NXPH2: variants seen among roughly 807,000 people sequenced by gnomAD.
The protein encoded by NXPH2 is neurexophilin-2.
A neutral mutation model predicts 19.8 loss-of-function variants in NXPH2; 5 were observed. The ratio of observed to expected loss-of-function variants is 0.25; its 90% CI spans 0.13 to 0.53. The LOEUF (loss-of-function observed/expected upper bound fraction) is 0.53. Among genes scored for constraint, NXPH2 ranks in the 20% least tolerant of loss-of-function variants. The probability of loss-of-function intolerance (pLI) is 0.96; values close to 1 mark genes in which losing one functional copy is unlikely to be tolerated. For missense variants in NXPH2, 289 were observed against 322.8 expected, an observed-to-expected ratio of 0.90 and a Z score of 0.80; for synonymous variants, 154 against 127.4, an observed-to-expected ratio of 1.21 and a Z score of -1.41.
chr2:138,704,605 A>G (rs888248941), intron 1 of NXPH2, among the ~76,000 whole-genome samples: 9 of 152,156 alleles, frequency 5.9e-5, no homozygotes, highest in African/African-American at 2.2e-4. Flanking sequence ...CACATCTTCA[A>G]GGTATTTAGC....
In NXPH2 at chr2:138,670,904, TCCA is replaced by T; in HGVS notation, c.*15_*17del. ...ATCAAATACATATGTATCCCTCATT[TCCA>T]CCACAGCAGGAAGATCAGCCAGAAG... is the stretch of plus-strand genomic sequence containing the variant. On this transcript the variant is annotated 3_prime_UTR_variant, in exon 2 of 2. Coordinates refer to ENST00000272641, the MANE Select transcript of NXPH2 (RefSeq NM_007226.3). The T allele has an allele frequency of 6.2e-7, 1 of 1,602,698 alleles. No individual in the cohort carries two copies. Among genetic ancestry groups the T allele is most frequent in the Non-Finnish European group, 8.5e-7 (1 of 1,173,528 alleles).
intron 1 of NXPH2, among the ~76,000 whole-genome samples, chr2:138,696,968 T>C (rs1680837966): frequency 6.6e-6 from 1 of 152,048 alleles, no homozygotes; most frequent in African/African-American, 2.4e-5. Flanking sequence ...AAAGTAATTG[T>C]AGAGAAAACA....
intron 1 of NXPH2, among the ~76,000 whole-genome samples, chr2:138,687,051 T>C (rs1450295958): frequency 2.0e-5 from 3 of 152,260 alleles, no homozygotes; most frequent in East Asian, 3.9e-4. Flanking sequence ...GATTTATAAT[T>C]TTTTGGGTAT....
rs2104961934 is a variant in NXPH2 at position 138,669,935 on chromosome 2, G to A, written c.*987C>T. On this transcript the variant is annotated 3_prime_UTR_variant, in exon 2 of 2. Transcript: ENST00000272641. ...TTCAAATATTAACTAAATGCAAGGGGAACTTAATCTGGGAGGCTAGAAATA... is the reference window on the plus strand; with the variant it reads ...TTCAAATATTAACTAAATGCAAGGGAAACTTAATCTGGGAGGCTAGAAATA... Among the ~76,000 whole-genome samples the A allele has an allele frequency of 2.0e-5, 3 of 152,266 alleles. No homozygotes were observed. In the South Asian group the frequency reaches 6.2e-4, roughly 32 times the overall value.
chr2:138,686,784 G>A (rs1680662566), intron 1 of NXPH2, among the ~76,000 whole-genome samples: 1 of 152,034 alleles, frequency 6.6e-6, no homozygotes, highest in Non-Finnish European at 1.5e-5. Flanking sequence ...TCCCACCTAT[G>A]AGTGAGAATA....
At chr2:138,718,065 A>G (rs767525672) in intron 1 of NXPH2, among the ~76,000 whole-genome samples, 2 of 152,090 alleles carry the variant, frequency 1.3e-5, no homozygotes, top group African/African-American at 2.4e-5. Context: ...GAAGTTAAGT[A>G]GCTGACTAAA....
chr2:138,724,928 G>A (rs1681336660), intron 1 of NXPH2, among the ~76,000 whole-genome samples: 1 of 152,196 alleles, frequency 6.6e-6, no homozygotes, highest in Admixed American at 6.5e-5. Context: ...AGTGGAAGAG[G>A]CTATGCCAAT....
chr2:138,710,105 T>G (rs1681083496), intron 1 of NXPH2, among the ~76,000 whole-genome samples: 1 of 152,222 alleles, frequency 6.6e-6, no homozygotes, highest in African/African-American at 2.4e-5. Context: ...GGTGACTTAC[T>G]TCCTGTCTCT....
At chr2:138,734,395 T>C (rs567963140) in intron 1 of NXPH2, among the ~76,000 whole-genome samples, 1 of 152,250 alleles carries the variant, frequency 6.6e-6, no homozygotes, top group South Asian at 2.1e-4. Flanking sequence ...CAAAGATAAA[T>C]AAAGCTGAAT....
At chr2:138,674,649 A>G (rs1680459933) in intron 1 of NXPH2, among the ~76,000 whole-genome samples, 1 of 152,114 alleles carries the variant, frequency 6.6e-6, no homozygotes. Context: ...TAGCCCATGG[A>G]GCTCAACACC....
chr2:138,698,455 G>A (rs1325033433), intron 1 of NXPH2, among the ~76,000 whole-genome samples: 1 of 152,102 alleles, frequency 6.6e-6, no homozygotes, highest in Non-Finnish European at 1.5e-5. Flanking sequence ...TATTTTGAAA[G>A]AAGTCAATAA....
chr2:138,726,483 T>C (rs915049795), intron 1 of NXPH2, among the ~76,000 whole-genome samples: 3 of 151,682 alleles, frequency 2.0e-5, no homozygotes, highest in African/African-American at 2.4e-5. Flanking sequence ...ACTAAATTGC[T>C]TAATTTGCAT....
At chr2:138,715,482 TAAC>T (rs779881233) in intron 1 of NXPH2, among the ~76,000 whole-genome samples, 5 of 152,192 alleles carry the variant, frequency 3.3e-5, no homozygotes, top group Non-Finnish European at 7.4e-5. Flanking sequence ...GGGTGAATTA[TAAC>T]AAAGTGAACA....
chr2:138,729,688 C>T (rs1393772234), intron 1 of NXPH2, among the ~76,000 whole-genome samples: 1 of 152,228 alleles, frequency 6.6e-6, no homozygotes, highest in African/African-American at 2.4e-5. Flanking sequence ...CAGCAGCACA[C>T]TTTCCATGGA....
chr2:138,696,662 G>C (rs551641471), intron 1 of NXPH2, among the ~76,000 whole-genome samples: 1 of 152,230 alleles, frequency 6.6e-6, no homozygotes, highest in South Asian at 2.1e-4. Context: ...AAAATAAAAT[G>C]TAAAAAGCAA....
At chr2:138,738,594 T>A (rs1330865857) in intron 1 of NXPH2, among the ~76,000 whole-genome samples, 1 of 152,200 alleles carries the variant, frequency 6.6e-6, no homozygotes, top group Non-Finnish European at 1.5e-5. Context: ...ATCACTTCAA[T>A]GCTCATTATA....
rs887901188 is a variant in NXPH2, at chr2:138,759,141, A to G, written c.51+21050T>C. Among the ~76,000 whole-genome samples the G allele has an allele frequency of 3.9e-5, 6 of 152,274 alleles. No individual in the cohort carries two copies. The East Asian group carries it at 7.7e-4, about 20-fold the overall frequency. ...TTTTTTCAATTTTTTTAACCAATAC[A>G]TCTTTTGCACAATGATTCACAACTG... is the stretch of plus-strand genomic sequence containing the variant. On this transcript the variant is annotated intron_variant, in intron 1 of 1. Transcript: ENST00000272641.
intron 1 of NXPH2, among the ~76,000 whole-genome samples, chr2:138,719,850 C>T (rs1681249310): frequency 6.6e-6 from 1 of 152,088 alleles, no homozygotes; most frequent in Admixed American, 6.6e-5. Flanking sequence ...TGTAACATCC[C>T]ACATGTACTT....
intron 1 of NXPH2, among the ~76,000 whole-genome samples, chr2:138,715,612 C>A (rs116110596): frequency 0.021 from 3,169 of 152,164 alleles, 50 homozygotes; most frequent in Non-Finnish European, 0.033. Context: ...GGTGGGTTTC[C>A]CAGGAGGGCA....
Sources: allele counts gnomAD v4.1 joint callset (sites outside exome capture counted in the v4.1 genomes callset), GRCh38; gene constraint gnomAD v4.1.1; transcripts MANE v1.5; gene names NCBI Gene and HGNC (gene_info 2026-07-23, HGNC 2026-07-21).